Variants in CNTNAP2 observed in about 807,000 individuals in gnomAD.
The protein encoded by CNTNAP2 is contactin associated protein 2, also known as contactin-associated protein-like 2.
In CNTNAP2, 98 loss-of-function variants were observed where a neutral mutation model predicts 155.2. The ratio of observed to expected loss-of-function variants is 0.63; its 90% CI spans 0.54 to 0.75. The LOEUF (loss-of-function observed/expected upper bound fraction) is 0.75. CNTNAP2 is among the 30% of genes least tolerant of loss of function. The pLI, the probability that CNTNAP2 is intolerant of heterozygous loss-of-function variation, is 0.00. For synonymous variants in CNTNAP2, 651 were observed against 631.2 expected (o/e 1.03, Z -0.47); for missense variants, 1,727 against 1,688.1 (o/e 1.02, Z -0.40).
intron 12 of CNTNAP2, among the ~76,000 whole-genome samples, chr7:147,589,185 A>G (rs1800692116): frequency 6.6e-6 from 1 of 152,356 alleles, no homozygotes; most frequent in Admixed American, 6.5e-5. Flanking sequence ...TTTAAAAAAC[A>G]AAGATCTAGA....
At chr7:146,638,476 C>CTTTTTTTTTTTTTTTTTTTTTTTGTT (rs879600389) in intron 1 of CNTNAP2, among the ~76,000 whole-genome samples, 1 of 64,330 alleles carries the variant, frequency 1.6e-5, no homozygotes, top group Admixed American at 1.5e-4. Context: ...TCAGGTGTTT[C>CTTTTTTTTTTTTTTTTTTTTTTTGTT]TTTTTTTTTT....
intron 11 of CNTNAP2, among the ~76,000 whole-genome samples, chr7:147,527,663 A>T (rs1296104281): frequency 2.6e-5 from 4 of 151,992 alleles, no homozygotes; most frequent in Admixed American, 6.6e-5. Flanking sequence ...GAATCTTCTT[A>T]CTCTTTGGCA....
rs1420524383 is a variant in CNTNAP2, at chr7:147,183,159, A to C, written c.1348+50650A>C. Among the ~76,000 whole-genome samples, 9 of 152,206 alleles carry C rather than the reference A, an allele frequency of 5.9e-5. No homozygotes were observed. The South Asian group carries it at 8.3e-4, about 14-fold the overall frequency. On this transcript the variant is annotated intron_variant, in intron 8 of 23. Coordinates refer to ENST00000361727, the MANE Select transcript of CNTNAP2 (RefSeq NM_014141.6). ...GATGACTGCCAATGGTTAGAAAAAA[A>C]AAAAGGAAACATTAAGCTACTTCTA...
At chr7:146,425,515 A>G (rs922184446) in intron 1 of CNTNAP2, among the ~76,000 whole-genome samples, 22 of 152,340 alleles carry the variant, frequency 1.4e-4, no homozygotes, top group Middle Eastern at 6.8e-3. Flanking sequence ...TCTACCATCC[A>G]TGTATTTTAG....
intron 2 of CNTNAP2, among the ~76,000 whole-genome samples, chr7:146,789,483 T>A (rs1196350667): frequency 6.6e-6 from 1 of 152,134 alleles, no homozygotes; most frequent in Admixed American, 6.5e-5. Flanking sequence ...TTTAAATATT[T>A]GCATATAATG....
chr7:147,737,516 G>A (rs181173670), intron 13 of CNTNAP2, among the ~76,000 whole-genome samples: 163 of 149,078 alleles, frequency 1.1e-3, no homozygotes, highest in African/African-American at 3.1e-3. Context: ...CTCAAGCTCC[G>A]TGCTGGGAGA....
chr7:146,843,507 C>A (rs1286535079), intron 3 of CNTNAP2, among the ~76,000 whole-genome samples: 2 of 145,160 alleles, frequency 1.4e-5, no homozygotes, highest in African/African-American at 2.5e-5. Context: ...CTAAATATTG[C>A]AAAATATATT....
chr7:147,185,650 T>C (rs1174192259), intron 8 of CNTNAP2, among the ~76,000 whole-genome samples: 1 of 152,160 alleles, frequency 6.6e-6, no homozygotes, highest in Non-Finnish European at 1.5e-5. Context: ...AAATTCAGAA[T>C]ACTAGGAACA....
chr7:147,441,878 TC>T (rs1797646869), intron 10 of CNTNAP2, among the ~76,000 whole-genome samples: 1 of 110,366 alleles, frequency 9.1e-6, no homozygotes, highest in Non-Finnish European at 1.8e-5. Context: ...CCTCCCTCCC[TC>T]CGTCTCTCTC....
chr7:148,159,553 G>A (rs1229767364), intron 17 of CNTNAP2, among the ~76,000 whole-genome samples: 2 of 152,126 alleles, frequency 1.3e-5, no homozygotes, highest in African/African-American at 2.4e-5. Context: ...ATCCCCTAAT[G>A]ATGAATACCT....
chr7:146,177,872 C>T (rs1212639559), intron 1 of CNTNAP2, among the ~76,000 whole-genome samples: 1 of 151,960 alleles, frequency 6.6e-6, no homozygotes, highest in Non-Finnish European at 1.5e-5. Context: ...TCTGTTGTTT[C>T]ATAAATTTTA....
Position 146,875,795 on chromosome 7 carries a change from C to A in CNTNAP2, c.402+35891C>A, listed in dbSNP as rs564141987. On this transcript the variant is annotated intron_variant, in intron 3 of 23. Transcript: ENST00000361727. ...GTGTGGTGGCTCATGCCTATGATCCCAGCACTTTGGGAGGTTACAGCAGAA... is the reference window on the plus strand; with the variant it reads ...GTGTGGTGGCTCATGCCTATGATCCAAGCACTTTGGGAGGTTACAGCAGAA... 1.2e-4 allele frequency among the ~76,000 whole-genome samples: 18 copies of A among 151,386 alleles called. 1 individual carries two copies. The East Asian group carries it at 2.0e-3, about 16-fold the overall frequency.
intron 1 of CNTNAP2, among the ~76,000 whole-genome samples, chr7:146,673,817 A>G (rs951472559): frequency 1.3e-4 from 20 of 152,148 alleles, no homozygotes; most frequent in African/African-American, 4.8e-4. Flanking sequence ...TAGTGGCTTC[A>G]AGAGATCTTC....
chr7:147,911,047 T>C (rs925865170), intron 14 of CNTNAP2, among the ~76,000 whole-genome samples: 1 of 152,210 alleles, frequency 6.6e-6, no homozygotes, highest in Non-Finnish European at 1.5e-5. Context: ...ATCATCACCA[T>C]CATCCATCTC....
chr7:147,909,431 G>A (rs1800021237), intron 14 of CNTNAP2, among the ~76,000 whole-genome samples: 1 of 152,122 alleles, frequency 6.6e-6, no homozygotes, highest in Non-Finnish European at 1.5e-5. Context: ...ATGGAGCCAG[G>A]ATAAATGAGA....
intron 3 of CNTNAP2, among the ~76,000 whole-genome samples, chr7:146,912,339 A>T (rs939291144): frequency 2.0e-5 from 3 of 150,842 alleles, no homozygotes; most frequent in African/African-American, 7.3e-5. Context: ...AATTTCCCTT[A>T]TTTTTCTCAA....
intron 11 of CNTNAP2, among the ~76,000 whole-genome samples, chr7:147,541,746 C>A (rs1194770130): frequency 6.6e-6 from 1 of 152,092 alleles, no homozygotes; most frequent in Non-Finnish European, 1.5e-5. Flanking sequence ...GCATTTTTAA[C>A]CTTCTCATAT....
chr7:146,234,342 A>T (rs1426266434), intron 1 of CNTNAP2, among the ~76,000 whole-genome samples: 1 of 151,956 alleles, frequency 6.6e-6, no homozygotes, highest in Non-Finnish European at 1.5e-5. Flanking sequence ...GTTTGAGTTC[A>T]TTGTATATTC....
At chr7:148,055,949 C>T (rs186123638) in intron 15 of CNTNAP2, among the ~76,000 whole-genome samples, 21 of 152,256 alleles carry the variant, frequency 1.4e-4, no homozygotes, top group Admixed American at 9.8e-4. Flanking sequence ...TTCCTTAGGC[C>T]GTGATGTGCA....
Sources: allele counts gnomAD v4.1 joint callset (sites outside exome capture counted in the v4.1 genomes callset), GRCh38; gene constraint gnomAD v4.1.1; transcripts MANE v1.5; gene names NCBI Gene and HGNC (gene_info 2026-07-23, HGNC 2026-07-21).